KMT2C: variants seen among roughly 807,000 people sequenced by gnomAD.
KMT2C encodes lysine methyltransferase 2C.
In KMT2C, 88 loss-of-function variants were observed where a neutral mutation model predicts 507.9. That is an observed-to-expected ratio of 0.17 (90% CI 0.15 to 0.21). The LOEUF (loss-of-function observed/expected upper bound fraction) is 0.21. Ranked by LOEUF, KMT2C falls within the 10% of genes least tolerant of loss-of-function variation. The pLI is 1.00. For synonymous variants in KMT2C, 2,049 were observed against 2,080.8 expected (o/e 0.98, Z 0.42); for missense variants, 4,954 against 5,957.8 (o/e 0.83, Z 5.55).
intron 6 of KMT2C, among the ~76,000 whole-genome samples, chr7:152,281,916 T>C (rs1175372402): frequency 6.6e-6 from 1 of 152,116 alleles, no homozygotes; most frequent in Non-Finnish European, 1.5e-5. Context: ...TATATACAAG[T>C]AATAAAGACA....
At chr7:152,338,073 T>C (rs1263415929) in intron 2 of KMT2C, among the ~76,000 whole-genome samples, 1 of 152,052 alleles carries the variant, frequency 6.6e-6, no homozygotes, top group East Asian at 1.9e-4. Context: ...TTAGCCAGGA[T>C]GGTCACGATC....
chr7:152,414,307 A>C (rs2097712223), intron 1 of KMT2C, among the ~76,000 whole-genome samples: 1 of 151,290 alleles, frequency 6.6e-6, no homozygotes, highest in South Asian at 2.1e-4. Context: ...GGGGGTGCGG[A>C]TCACCTGAGG....
At chr7:152,309,159 G>C (rs920828802) in intron 6 of KMT2C, among the ~76,000 whole-genome samples, 13 of 151,890 alleles carry the variant, frequency 8.6e-5, no homozygotes, top group Non-Finnish European at 1.5e-4. Flanking sequence ...TTATCAAATA[G>C]TTTTGTCTTA....
intron 23 of KMT2C, among the ~76,000 whole-genome samples, chr7:152,215,855 C>T (rs1563432683): frequency 6.6e-6 from 1 of 151,966 alleles, no homozygotes; most frequent in Non-Finnish European, 1.5e-5. Flanking sequence ...GGAGAGACTT[C>T]ACTGTTTACC....
intron 34 of KMT2C, among the ~76,000 whole-genome samples, chr7:152,185,205 T>C (rs1465294235): frequency 6.6e-6 from 1 of 152,212 alleles, no homozygotes; most frequent in Non-Finnish European, 1.5e-5. Flanking sequence ...CAAAATATTT[T>C]TGATCCATGG....
At position 152,222,059 on chromosome 7, in the gene KMT2C, G is replaced by A. The variant is rs2129146627; in HGVS notation, c.3441C>T (p.Ser1147=). 2.5e-6 allele frequency: 4 copies of A among 1,594,194 alleles called. No homozygotes were observed. The highest frequency in any genetic ancestry group is 2.6e-6 in the Non-Finnish European group (3 of 1,172,458). The part of the protein sequence containing the change: ...RPYMPASNVP[S]SDCCESSLVA... Reference sequence around the variant, plus strand: ...CAAGTGAAGATTCACAGCAGTCTGAGGAAGGCACTGAAACGAAAAAAAAAA... The same window carrying A: ...CAAGTGAAGATTCACAGCAGTCTGAAGAAGGCACTGAAACGAAAAAAAAAA... Residue 1147 remains serine, a synonymous_variant, in exon 22 of 59, where the codon TCC becomes TCT. Transcript: ENST00000262189.
chr7:152,259,433 GACACACACACGCGC>G (rs1395038302), intron 9 of KMT2C, among the ~76,000 whole-genome samples: 1 of 112,784 alleles, frequency 8.9e-6, no homozygotes, highest in Admixed American at 9.1e-5. Context: ...CAAAAACACA[GACACACACACGCGC>G]ACACACACAC....
chr7:152,171,570 AG>A (rs1239994739), intron 39 of KMT2C, among the ~76,000 whole-genome samples: 22 of 152,338 alleles, frequency 1.4e-4, no homozygotes, highest in Middle Eastern at 3.4e-3. Context: ...TTATGATGAA[AG>A]TAAGATTCAG....
At chr7:152,290,683 C>T (rs1012259053) in intron 6 of KMT2C, among the ~76,000 whole-genome samples, 42 of 151,982 alleles carry the variant, frequency 2.8e-4, no homozygotes, top group Non-Finnish European at 1.8e-4. Context: ...CACCAAACCA[C>T]TTGAAAAACT....
rs778407884 is a variant in KMT2C, at chr7:152,176,822, T to G, written c.8631A>C (p.Leu2877=). 1.9e-6 allele frequency: 3 copies of G among 1,614,130 alleles called. No individual in the cohort carries two copies. Among genetic ancestry groups the G allele is most frequent in the Non-Finnish European group, 2.5e-6 (3 of 1,180,058 alleles). Residue 2877 remains leucine (L), a synonymous_variant, in exon 38 of 59, where the codon CTA becomes CTC. Transcript: ENST00000262189. The part of the protein sequence containing the change: ...KTSLHPCDPD[L]FEKRTNRETA... ...TTTCTCGATTGGTTCTTTTCTCAAA[T>G]AGATCTGGATCACAAGGATGCAAAG...
chr7:152,174,736 T>A (rs1008132891), intron 38 of KMT2C, among the ~76,000 whole-genome samples: 1 of 152,210 alleles, frequency 6.6e-6, no homozygotes, highest in African/African-American at 2.4e-5. Context: ...TGGGGATATA[T>A]AAAATGGAAT....
intron 13 of KMT2C, among the ~76,000 whole-genome samples, chr7:152,248,931 G>C (rs1020374732): frequency 2.5e-4 from 38 of 151,976 alleles, no homozygotes; most frequent in Non-Finnish European, 8.8e-5. Flanking sequence ...TGTTATGTGA[G>C]GTACCTAAGT....
chr7:152,139,622 A>G (rs916776278), intron 56 of KMT2C, 53 bp downstream of exon 56: 30 of 1,230,346 alleles, frequency 2.4e-5, no homozygotes, highest in Non-Finnish European at 3.6e-5. Flanking sequence ...TGGCACGGAG[A>G]AAGGGAGAGG....
chr7:152,383,513 G>C (rs1376365778), intron 1 of KMT2C, among the ~76,000 whole-genome samples: 3 of 152,184 alleles, frequency 2.0e-5, no homozygotes, highest in African/African-American at 7.2e-5. Flanking sequence ...ACAGGAAGCC[G>C]GGAAACCCTG....
Position 152,343,447 on chromosome 7 carries a change from T to TG in KMT2C, c.251-12709dup, listed in dbSNP as rs1443065880. On this transcript the variant is annotated intron_variant, in intron 2 of 58. Coordinates refer to ENST00000262189, the MANE Select transcript of KMT2C (RefSeq NM_170606.3). The stretch of plus-strand genomic sequence containing the variant: ...ACCTGAAAAGCAAAGAGAAAAAGAC[T>TG]GGGAAAAAAAAAAAAAAAAAGAACA... Among the ~76,000 whole-genome samples the TG allele has an allele frequency of 3.2e-3, 193 of 60,662 alleles. 2 individuals are homozygous for TG. Among genetic ancestry groups the TG allele is most frequent in the African/African-American group, 0.013 (168 of 13,400 alleles). 39.8% of individuals were successfully genotyped at this position (60,662 alleles called of 152,430 possible).
chr7:152,284,084 C>T (rs1245216507), intron 6 of KMT2C, among the ~76,000 whole-genome samples: 1 of 152,082 alleles, frequency 6.6e-6, no homozygotes, highest in Non-Finnish European at 1.5e-5. Flanking sequence ...CTTTTAATGA[C>T]TTTTTCAGTT....
At chr7:152,329,584 AAAAG>A (rs1285482732) in intron 3 of KMT2C, among the ~76,000 whole-genome samples, 3 of 151,586 alleles carry the variant, frequency 2.0e-5, no homozygotes, top group Non-Finnish European at 4.4e-5. Flanking sequence ...AATAAAAAAA[AAAAG>A]AAAGGAAAGG....
Position 152,430,243 on chromosome 7 carries a change from C to T in KMT2C, c.161+5383G>A, listed in dbSNP as rs190265623. ...TACTTCGTAACTTTTGCCACTTATC[C>T]TGCCAACAAGTTCTCAAAATAACCA... On this transcript the variant is annotated intron_variant, in intron 1 of 58. Transcript: ENST00000262189. 2.2e-3 allele frequency among the ~76,000 whole-genome samples: 326 copies of T among 151,140 alleles called. 3 individuals are homozygous for T. The highest frequency in any genetic ancestry group is 0.011 in the Middle Eastern group (3 of 284).
chr7:152,203,504 G>C lies in KMT2C; in HGVS notation c.3962-440C>G, dbSNP rs549414160. ...GTGTCCTTTAATACAGCAATTCCAA[G>C]TTCAGAAATTTATTATAAATTATTT... is the stretch of plus-strand genomic sequence containing the variant. On this transcript the variant is annotated intron_variant, in intron 25 of 58. Transcript: ENST00000262189. 2.2e-4 allele frequency among the ~76,000 whole-genome samples: 34 copies of C among 152,072 alleles called. No homozygotes were observed. In the South Asian group the frequency reaches 4.3e-3, roughly 19 times the overall value.
Sources: gnomAD v4.1 joint callset for allele counts (sites outside exome capture counted in the v4.1 genomes callset) on GRCh38, gnomAD v4.1.1 for gene constraint, MANE v1.5 for transcripts, NCBI Gene and HGNC (gene_info 2026-07-23, HGNC 2026-07-21) for gene names.